DDX10: variants seen among roughly 807,000 people sequenced by gnomAD.
DDX10 encodes the protein probable ATP-dependent RNA helicase DDX10.
DDX10 carries 74 observed loss-of-function variants against 104.3 expected under a neutral mutation model. That is an observed-to-expected ratio of 0.71 (90% CI 0.59 to 0.86). The LOEUF is 0.86. Among genes scored for constraint, DDX10 ranks in the 40% least tolerant of loss-of-function variants. DDX10 has a pLI of 0.00. For missense variants in DDX10, 952 were observed against 1,040.0 expected (o/e 0.92, Z 1.16); for synonymous variants, 351 against 353.4 (o/e 0.99, Z 0.08).
At chr11:108,876,551 T>A (rs1591106514) in intron 16 of DDX10, among the ~76,000 whole-genome samples, 1 of 152,192 alleles carries the variant, frequency 6.6e-6, no homozygotes, top group Non-Finnish European at 1.5e-5. Flanking sequence ...TTGAGACACA[T>A]AGACCTGGAT....
intron 13 of DDX10, among the ~76,000 whole-genome samples, chr11:108,760,883 G>T (rs1213744552): frequency 4.0e-5 from 6 of 151,810 alleles, no homozygotes; most frequent in African/African-American, 1.5e-4. Flanking sequence ...TTTCTGATTG[G>T]CAGGGCTGTT....
At chr11:108,859,676 A>G (rs1366385437) in intron 16 of DDX10, among the ~76,000 whole-genome samples, 1 of 152,084 alleles carries the variant, frequency 6.6e-6, no homozygotes, top group Non-Finnish European at 1.5e-5. Flanking sequence ...TGAGTTAGGG[A>G]TTTATAGGCA....
intron 1 of DDX10, among the ~76,000 whole-genome samples, chr11:108,667,049 C>T (rs920006032): frequency 7.2e-5 from 11 of 152,196 alleles, no homozygotes; most frequent in South Asian, 4.1e-4. Flanking sequence ...TTCTTCATCC[C>T]TACTGCATTG....
chr11:108,927,867 T>G (rs1405485000), intron 17 of DDX10, among the ~76,000 whole-genome samples: 1 of 152,164 alleles, frequency 6.6e-6, no homozygotes, highest in Non-Finnish European at 1.5e-5. Context: ...ATTGAACTCT[T>G]GACCTCAGGC....
intron 17 of DDX10, among the ~76,000 whole-genome samples, chr11:108,926,421 G>A (rs1428027107): frequency 5.3e-5 from 8 of 152,204 alleles, no homozygotes; most frequent in Non-Finnish European, 1.0e-4. Flanking sequence ...GTGGTATGAT[G>A]TGCAGTCTTC....
intron 17 of DDX10, among the ~76,000 whole-genome samples, chr11:108,938,979 T>A (rs1420005561): frequency 3.3e-5 from 5 of 152,230 alleles, no homozygotes; most frequent in Non-Finnish European, 7.3e-5. Context: ...GTGATTTTTT[T>A]ATTTATTTAT....
intron 13 of DDX10, 73 bp downstream of exon 13, chr11:108,723,535 TGAGA>T (rs1163777192): frequency 9.1e-6 from 13 of 1,425,820 alleles, no homozygotes; most frequent in Admixed American, 5.5e-5. Context: ...TTTTGGGGAC[TGAGA>T]GAAAGTGAAA....
chr11:108,862,761 G>A (rs1471563276), intron 16 of DDX10, among the ~76,000 whole-genome samples: 1 of 152,150 alleles, frequency 6.6e-6, no homozygotes, highest in Non-Finnish European at 1.5e-5. Context: ...AAACTTATGA[G>A]GTGGTTTGGT....
At chr11:108,743,379 AAAT>A (rs1488854665) in intron 13 of DDX10, among the ~76,000 whole-genome samples, 1 of 152,178 alleles carries the variant, frequency 6.6e-6, no homozygotes, top group Non-Finnish European at 1.5e-5. Flanking sequence ...ATAAACGTCA[AAAT>A]AATAAGAGCA....
At chr11:108,721,734 A>G (rs1382903210) in intron 12 of DDX10, among the ~76,000 whole-genome samples, 2 of 152,250 alleles carry the variant, frequency 1.3e-5, no homozygotes, top group African/African-American at 2.4e-5. Flanking sequence ...TATGTAAGAT[A>G]TATTAAAGGT....
chr11:108,753,877 G>A (rs2134507943), intron 13 of DDX10, among the ~76,000 whole-genome samples: 1 of 152,000 alleles, frequency 6.6e-6, no homozygotes. Flanking sequence ...AATTTCTTAG[G>A]CTTTTCTTGA....
intron 16 of DDX10, among the ~76,000 whole-genome samples, chr11:108,867,894 T>TA (rs1271677741): frequency 1.3e-5 from 2 of 152,256 alleles, no homozygotes; most frequent in South Asian, 2.1e-4. Flanking sequence ...CACTGATAGT[T>TA]ATAATGCTTT....
chr11:108,665,525 G>A (rs1354379789), intron 1 of DDX10, among the ~76,000 whole-genome samples, 186 bp downstream of exon 1: 2 of 151,758 alleles, frequency 1.3e-5, no homozygotes, highest in Admixed American at 6.6e-5. Context: ...TTGCCACACT[G>A]TTCCTAAAAA....
At chr11:108,763,115 A>C (rs2615752) in intron 13 of DDX10, among the ~76,000 whole-genome samples, 1 of 152,136 alleles carries the variant, frequency 6.6e-6, no homozygotes, top group Admixed American at 6.5e-5. Flanking sequence ...ACAGAGGGGA[A>C]GCTGGGTGTC....
At chr11:108,776,122 C>G (rs1490060685) in intron 13 of DDX10, among the ~76,000 whole-genome samples, 1 of 152,170 alleles carries the variant, frequency 6.6e-6, no homozygotes, top group African/African-American at 2.4e-5. Context: ...ACTCTTCAGT[C>G]CTGGAACCTT....
At chr11:108,821,856 C>T (rs1205053995) in intron 13 of DDX10, among the ~76,000 whole-genome samples, 1 of 152,062 alleles carries the variant, frequency 6.6e-6, no homozygotes, top group East Asian at 1.9e-4. Flanking sequence ...ATAGTTAAGG[C>T]CAAAAATATA....
chr11:108,807,333 G>T (rs927304255), intron 13 of DDX10, among the ~76,000 whole-genome samples: 2 of 152,132 alleles, frequency 1.3e-5, no homozygotes, highest in African/African-American at 4.8e-5. Flanking sequence ...AAGAAAGGAT[G>T]TTATGGGTTC....
intron 2 of DDX10, 37 bp from the exon 3 acceptor site, chr11:108,675,559 A>T: frequency 1.2e-6 from 2 of 1,605,464 alleles, no homozygotes; most frequent in Non-Finnish European, 8.5e-7. Flanking sequence ...TCCTACAGGG[A>T]TCTTCTAAAG....
intron 6 of DDX10, among the ~76,000 whole-genome samples, chr11:108,687,333 G>C (rs2094245785): frequency 6.6e-6 from 1 of 152,024 alleles, no homozygotes; most frequent in African/African-American, 2.4e-5. Context: ...TTGAGACAAG[G>C]TCTTACTCTG....
Sources: allele counts gnomAD v4.1 joint callset (sites outside exome capture counted in the v4.1 genomes callset), GRCh38; gene constraint gnomAD v4.1.1; transcripts MANE v1.5; gene names NCBI Gene and HGNC (gene_info 2026-07-23, HGNC 2026-07-21).